The following DGKH variants were observed in gnomAD, a reference collection of about 807,000 sequenced individuals.
DGKH encodes the protein DAG kinase eta.
Under a neutral mutation model 159.3 loss-of-function variants are expected in DGKH, and 90 were observed. That is an observed-to-expected ratio of 0.57 (90% CI 0.48 to 0.67). The LOEUF (loss-of-function observed/expected upper bound fraction) is 0.67. DGKH is among the 30% of genes least tolerant of loss of function. The probability of loss-of-function intolerance (pLI) is 0.00; values close to 1 mark genes in which losing one functional copy is unlikely to be tolerated. For missense variants in DGKH, 1,181 were observed against 1,506.1 expected, an observed-to-expected ratio of 0.78 and a Z score of 3.57; for synonymous variants, 536 against 553.8, an observed-to-expected ratio of 0.97 and a Z score of 0.45.
intron 3 of DGKH, among the ~76,000 whole-genome samples, chr13:42,134,129 C>T (rs1955350012): frequency 6.6e-6 from 1 of 152,158 alleles, no homozygotes; most frequent in Admixed American, 6.5e-5. Context: ...CTGTGCTTTG[C>T]CTGAAAACCC....
At chr13:42,246,988 C>T (rs977775152), downstream of DGKH, among the ~76,000 whole-genome samples, 6 of 152,052 alleles carry the variant, frequency 3.9e-5, no homozygotes, top group Admixed American at 2.6e-4. Context: ...CACAGATATC[C>T]GTGGTCCCAC....
At chr13:42,249,919 G>T (rs1351671759) in intron 29 of DGKH, among the ~76,000 whole-genome samples, 3 of 151,958 alleles carry the variant, frequency 2.0e-5, no homozygotes, top group Non-Finnish European at 4.4e-5. Flanking sequence ...CAGGATTAGG[G>T]ATCACTGATT....
chr13:42,189,255 C>T lies in DGKH; in HGVS notation c.1858C>T (p.Arg620Trp), dbSNP rs749921686. Residue 620 changes from arginine to tryptophan, a missense_variant, in exon 15 of 30, where the codon CGG becomes TGG. Coordinates refer to ENST00000337343, the MANE Select transcript of DGKH (RefSeq NM_178009.5). Reference protein sequence around the residue: ...KAVKPREIMLRANSLKKAVRQ... With the variant: ...KAVKPREIMLWANSLKKAVRQ... Reference sequence around the variant, plus strand: ...CGTCAAACCAAGGGAAATCATGTTGCGGGCAAATAGTTTAAAGAAAGCAGT... The same window carrying T: ...CGTCAAACCAAGGGAAATCATGTTGTGGGCAAATAGTTTAAAGAAAGCAGT... 22 of 1,614,024 alleles carry T rather than the reference C, an allele frequency of 1.4e-5. No individual in the cohort carries two copies. The highest frequency in any genetic ancestry group is 4.5e-5 in the East Asian group (2 of 44,896).
intron 4 of DGKH, 113 bp from the exon 5 acceptor site, chr13:42,155,554 T>C: frequency 6.4e-7 from 1 of 1,564,846 alleles, no homozygotes; most frequent in Non-Finnish European, 8.7e-7. Context: ...GTGCTTTGGT[T>C]TTAAAAATGA....
chr13:42,207,011 C>CTTTCTTTCTT (rs1957497443), intron 21 of DGKH, among the ~76,000 whole-genome samples: 1 of 138,716 alleles, frequency 7.2e-6, no homozygotes, highest in African/African-American at 2.9e-5. Flanking sequence ...TTCTTTCTTT[C>CTTTCTTTCTT]TTTCTTTCTT....
intron 29 of DGKH, 57 bp from the exon 30 acceptor site, chr13:42,229,042 C>A: frequency 1.4e-6 from 2 of 1,441,752 alleles, no homozygotes; most frequent in East Asian, 2.4e-5. Flanking sequence ...AATTTTCTTT[C>A]TGTGTTTTTT....
chr13:42,141,130 C>T (rs1594082434), intron 3 of DGKH, among the ~76,000 whole-genome samples: 2 of 148,360 alleles, frequency 1.3e-5, no homozygotes, highest in South Asian at 4.4e-4. Flanking sequence ...TCAATTCCCA[C>T]CTATGAGTGA....
At chr13:42,144,304 A>T (rs1031866966) in intron 3 of DGKH, among the ~76,000 whole-genome samples, 1 of 152,176 alleles carries the variant, frequency 6.6e-6, no homozygotes, top group African/African-American at 2.4e-5. Context: ...TTGCAACCCT[A>T]TGCCTCGTGA....
intron 11 of DGKH, among the ~76,000 whole-genome samples, chr13:42,170,709 C>T (rs1181530675): frequency 1.3e-5 from 2 of 151,990 alleles, no homozygotes; most frequent in East Asian, 1.9e-4. Flanking sequence ...TTGGGAGGCC[C>T]AGGTGGGCGA....
intron 1 of DGKH, among the ~76,000 whole-genome samples, chr13:42,080,738 C>T (rs942723997): frequency 6.6e-6 from 1 of 151,746 alleles, no homozygotes; most frequent in African/African-American, 2.4e-5. Context: ...TCTGTAAGCT[C>T]CAGGTTTCCA....
chr13:42,239,824 T>G lies in DGKH; in HGVS notation c.*10636T>G, dbSNP rs1958483851. ...AGTCAGTGTCTATGACCTTGCCTCT[T>G]TCTTCCTTTTTAGTATCCTCACCAA... On this transcript the variant is annotated 3_prime_UTR_variant, in exon 30 of 30. Coordinates refer to ENST00000337343, the MANE Select transcript of DGKH (RefSeq NM_178009.5). 6.6e-6 allele frequency: 1 copy of G among 152,266 alleles called. No individual in the cohort carries two copies. The highest frequency in any genetic ancestry group is 2.1e-4 in the South Asian group (1 of 4,832). 9.4% of individuals were successfully genotyped at this position (152,266 alleles called of 1,614,324 possible).
chr13:42,130,435 A>G (rs980595644), intron 3 of DGKH, among the ~76,000 whole-genome samples: 1 of 152,222 alleles, frequency 6.6e-6, no homozygotes, highest in Non-Finnish European at 1.5e-5. Flanking sequence ...CAAGAAATTC[A>G]GAGGTGAATG....
Position 42,198,528 on chromosome 13 carries a change from A to T in DGKH, c.2218A>T (p.Lys740Ter). ...AATTGCTGGGAGTTCGATTATCAAC[A>T]AAATGTTACTGGCAAACATTGATCC... ...ASIAGSSIIN[K>*]MLLANIDPFG... The change falls in exon 18 of 30, where the codon AAA (lysine) becomes TAA (stop). Residue 740 changes from lysine to a stop codon, truncating the protein, a stop_gained. Transcript: ENST00000337343. LOFTEE classifies it high-confidence loss of function. 1 of 1,613,964 alleles carries T rather than the reference A, an allele frequency of 6.2e-7. No individual in the cohort carries two copies. The highest frequency in any genetic ancestry group is 8.5e-7 in the Non-Finnish European group (1 of 1,179,900).
rs1479691056 is a variant in DGKH at position 42,178,126 on chromosome 13, T to G, written c.1453-9T>G. 2 of 1,603,914 alleles carry G rather than the reference T, an allele frequency of 1.2e-6. No homozygotes were observed. The stretch of plus-strand genomic sequence containing the variant: ...ACAATAATACAGTGTAGAGTTTTCT[T>G]TTCTTCAGATGACGATTTATGAAGA... On this transcript the variant is annotated splice_polypyrimidine_tract_variant and intron_variant, in intron 12 of 29. Transcript: ENST00000337343.
At chr13:42,065,300 T>C (rs1882482673) in intron 1 of DGKH, among the ~76,000 whole-genome samples, 1 of 152,214 alleles carries the variant, frequency 6.6e-6, no homozygotes, top group Non-Finnish European at 1.5e-5. Flanking sequence ...CTTTTTATCA[T>C]AGATCTAGCT....
At chr13:42,161,685 C>A (rs1193879814) in intron 7 of DGKH, among the ~76,000 whole-genome samples, 3 of 151,732 alleles carry the variant, frequency 2.0e-5, no homozygotes, top group Admixed American at 2.0e-4. Flanking sequence ...GAGGCTGAGG[C>A]AGGAGAATTG....
At chr13:42,189,768 G>C (rs545124342) in intron 15 of DGKH, among the ~76,000 whole-genome samples, 1 of 152,224 alleles carries the variant, frequency 6.6e-6, no homozygotes, top group South Asian at 2.1e-4. Flanking sequence ...CCAGGCTCGA[G>C]CTATCCTCCT....
chr13:42,127,286 G>A (rs76053779), intron 1 of DGKH, among the ~76,000 whole-genome samples, 177 bp from the exon 2 acceptor site: 2,030 of 152,296 alleles, frequency 0.013, 36 homozygotes, highest in East Asian at 0.081. Flanking sequence ...ATTCACTTTT[G>A]CTCTTTGGGG....
At chr13:42,126,120 C>T (rs643396) in intron 1 of DGKH, among the ~76,000 whole-genome samples, 56,625 of 152,006 alleles carry the variant, frequency 0.37, 10,990 homozygotes, top group African/African-American at 0.45. Flanking sequence ...TTTCCTTCCT[C>T]TCTTCTTTCC....
Sources: allele counts gnomAD v4.1 joint callset (sites outside exome capture counted in the v4.1 genomes callset), GRCh38; gene constraint gnomAD v4.1.1; transcripts MANE v1.5; gene names NCBI Gene and HGNC (gene_info 2026-07-23, HGNC 2026-07-21).